The following MCF2L2 variants were observed in gnomAD, a reference collection of about 807,000 sequenced individuals.
The protein encoded by MCF2L2 is probable guanine nucleotide exchange factor MCF2L2.
Under a neutral mutation model 150.2 loss-of-function variants are expected in MCF2L2, and 102 were observed. That is an observed-to-expected ratio of 0.68 (90% CI 0.58 to 0.80). The LOEUF (loss-of-function observed/expected upper bound fraction) is 0.80. MCF2L2 is among the 30% of genes least tolerant of loss of function. MCF2L2 has a pLI of 0.00. For missense variants in MCF2L2, 1,256 were observed against 1,372.8 expected (o/e 0.91, Z 1.34); for synonymous variants, 465 against 491.3 (o/e 0.95, Z 0.71).
At chr3:183,269,840 G>A (rs1407021954) in intron 15 of MCF2L2, 1 of 1,612,324 alleles carries the variant, frequency 6.2e-7, no homozygotes, top group East Asian at 2.2e-5. Flanking sequence ...AAAAATGGCA[G>A]TTAATTATTC....
At position 183,269,845 on chromosome 3, in the gene MCF2L2, T is replaced by C. The variant is rs749779170; in HGVS notation, c.1862+7027A>G. 1 of 1,613,042 alleles carries C rather than the reference T, an allele frequency of 6.2e-7. No homozygotes were observed. The highest frequency in any genetic ancestry group is 1.3e-5 in the African/African-American group (1 of 74,950). Reference sequence around the variant, plus strand: ...AGAAGAGTCAAAAAATGGCAGTTAATTATTCAGTTATTTGCTACTTGTTTT... The same window carrying C: ...AGAAGAGTCAAAAAATGGCAGTTAACTATTCAGTTATTTGCTACTTGTTTT... On this transcript the variant is annotated intron_variant, in intron 15 of 29. Coordinates refer to ENST00000328913, the MANE Select transcript of MCF2L2 (RefSeq NM_015078.4).
At chr3:183,321,290 T>C (rs948686907) in intron 6 of MCF2L2, among the ~76,000 whole-genome samples, 4 of 151,958 alleles carry the variant, frequency 2.6e-5, no homozygotes, top group Admixed American at 1.3e-4. Flanking sequence ...ATACAAAAAT[T>C]AGCTGGGCGT....
intron 5 of MCF2L2, among the ~76,000 whole-genome samples, chr3:183,330,311 A>C (rs986683862): frequency 6.6e-6 from 1 of 151,780 alleles, no homozygotes; most frequent in Non-Finnish European, 1.5e-5. Flanking sequence ...GAAAGGAAAA[A>C]CTTTTTTTAA....
intron 26 of MCF2L2, 126 bp from the exon 27 acceptor site, chr3:183,193,222 T>A: frequency 1.4e-6 from 1 of 733,136 alleles, no homozygotes. Flanking sequence ...GACCTGCTGC[T>A]CCTCCCTCAC....
chr3:183,330,231 C>A (rs1215331596), intron 5 of MCF2L2, among the ~76,000 whole-genome samples: 1 of 107,760 alleles, frequency 9.3e-6, no homozygotes, highest in Non-Finnish European at 1.7e-5. Context: ...GGTGACAGAG[C>A]AAGACCCTGT....
chr3:183,313,838 T>G (rs1247910183), intron 7 of MCF2L2, among the ~76,000 whole-genome samples: 1 of 152,092 alleles, frequency 6.6e-6, no homozygotes, highest in African/African-American at 2.4e-5. Flanking sequence ...AACTGAGAGA[T>G]AGCTCATTGC....
chr3:183,424,828 G>C (rs1379012721), intron 1 of MCF2L2, among the ~76,000 whole-genome samples: 1 of 152,190 alleles, frequency 6.6e-6, no homozygotes, highest in African/African-American at 2.4e-5. Flanking sequence ...GGGGGTAAAA[G>C]TGCAAATACT....
chr3:183,390,895 T>TCAAAA (rs373647290), intron 1 of MCF2L2, among the ~76,000 whole-genome samples: 3,075 of 152,160 alleles, frequency 0.02, 86 homozygotes, highest in African/African-American at 0.068. Context: ...AGACCCTGTC[T>TCAAAA]CAAAACAAAA....
intron 5 of MCF2L2, among the ~76,000 whole-genome samples, chr3:183,334,190 T>TGA (rs2108532994): frequency 6.6e-6 from 1 of 152,298 alleles, no homozygotes; most frequent in African/African-American, 2.4e-5. Context: ...TAGTAAATGA[T>TGA]GAGAGTGCTG....
chr3:183,188,362 T>TC (rs1048541027), intron 27 of MCF2L2, among the ~76,000 whole-genome samples: 8 of 152,192 alleles, frequency 5.3e-5, no homozygotes, highest in African/African-American at 1.7e-4. Flanking sequence ...GAAAACAATG[T>TC]CCCCGTGTTC....
chr3:183,256,118 T>A (rs564349587), intron 15 of MCF2L2, among the ~76,000 whole-genome samples: 14 of 152,352 alleles, frequency 9.2e-5, no homozygotes, highest in African/African-American at 3.4e-4. Context: ...AGTAAATAGA[T>A]CTCAGCTTTG....
chr3:183,413,902 A>C (rs1193080144), intron 1 of MCF2L2, among the ~76,000 whole-genome samples: 2 of 152,224 alleles, frequency 1.3e-5, no homozygotes, highest in Admixed American at 6.5e-5. Flanking sequence ...AGGAGGAAGA[A>C]GAGGAGGGGT....
intron 4 of MCF2L2, among the ~76,000 whole-genome samples, chr3:183,339,847 C>A (rs1323019885): frequency 3.3e-5 from 5 of 152,056 alleles, no homozygotes; most frequent in South Asian, 4.1e-4. Flanking sequence ...GTATTTTCAA[C>A]GAGCACCTGA....
chr3:183,184,079 G>A (rs930774686), intron 27 of MCF2L2, among the ~76,000 whole-genome samples: 1 of 152,114 alleles, frequency 6.6e-6, no homozygotes, highest in African/African-American at 2.4e-5. Context: ...GTGCAGTGGC[G>A]TGATCTTGGC....
chr3:183,224,116 T>C lies in MCF2L2; in HGVS notation c.2190A>G (p.Gln730=). The C allele has an allele frequency of 6.2e-7, 1 of 1,613,956 alleles. No individual in the cohort carries two copies. Among genetic ancestry groups the C allele is most frequent in the Non-Finnish European group, 8.5e-7 (1 of 1,179,780 alleles). The change falls in exon 19 of 30, where the codon CAA becomes CAG. Residue 730 remains glutamine, a synonymous_variant. Coordinates refer to ENST00000328913, the MANE Select transcript of MCF2L2 (RefSeq NM_015078.4). ...ACATTACCCCAAAGTAGGCGCAGTCTTGACACTCTTGCCAGATTGCCCTAG... is the reference window on the plus strand; with the variant it reads ...ACATTACCCCAAAGTAGGCGCAGTCCTGACACTCTTGCCAGATTGCCCTAG... The part of the protein sequence containing the change: ...PRARAIWQEC[Q]DCAYFGVCQR...
chr3:183,239,944 A>C (rs757817376), intron 15 of MCF2L2, among the ~76,000 whole-genome samples: 3 of 152,204 alleles, frequency 2.0e-5, no homozygotes. Flanking sequence ...ATTAGACAGA[A>C]GTAGCATGTG....
chr3:183,287,105 A>T (rs1274954163), intron 14 of MCF2L2, among the ~76,000 whole-genome samples: 1 of 151,830 alleles, frequency 6.6e-6, no homozygotes, highest in Non-Finnish European at 1.5e-5. Context: ...CACTTTCCAC[A>T]CCTACAGGCC....
chr3:183,285,785 C>T (rs1727757372), intron 14 of MCF2L2, among the ~76,000 whole-genome samples: 1 of 152,064 alleles, frequency 6.6e-6, no homozygotes. Context: ...ATAACTTTAA[C>T]AGGCACCAAA....
At chr3:183,367,109 G>A (rs1712581991) in intron 3 of MCF2L2, among the ~76,000 whole-genome samples, 1 of 152,078 alleles carries the variant, frequency 6.6e-6, no homozygotes, top group African/African-American at 2.4e-5. Context: ...CAGTGATACA[G>A]GTTTAATGAC....
Sources: allele counts gnomAD v4.1 joint callset (sites outside exome capture counted in the v4.1 genomes callset), GRCh38; gene constraint gnomAD v4.1.1; transcripts MANE v1.5; gene names NCBI Gene and HGNC (gene_info 2026-07-23, HGNC 2026-07-21).